The following KDM4C variants were observed in gnomAD, a reference collection of about 807,000 sequenced individuals.
The protein encoded by KDM4C is lysine-specific demethylase 4C.
In KDM4C, 81 loss-of-function variants were observed where a neutral mutation model predicts 129.3. That is an observed-to-expected ratio of 0.63 (90% confidence interval 0.52 to 0.75). The LOEUF (loss-of-function observed/expected upper bound fraction) is 0.75, where lower values mean the gene tolerates loss of function less well. KDM4C is among the 30% of genes least tolerant of loss of function. KDM4C has a pLI of 0.00. For synonymous variants in KDM4C, 573 were observed against 456.1 expected (o/e 1.26, Z -3.26); for missense variants, 1,457 against 1,304.0 (o/e 1.12, Z -1.81).
At chr9:6,768,446 A>C (rs994024843) in intron 1 of KDM4C, among the ~76,000 whole-genome samples, 2 of 151,634 alleles carry the variant, frequency 1.3e-5, no homozygotes, top group Admixed American at 6.6e-5. Flanking sequence ...GGTTGTCTTC[A>C]TGCTCCCTCA....
chr9:6,735,869 A>G (rs1170309339), intron 1 of KDM4C, among the ~76,000 whole-genome samples: 1 of 152,186 alleles, frequency 6.6e-6, no homozygotes, highest in Non-Finnish European at 1.5e-5. Context: ...GGCTCAGAAG[A>G]AGACAGGAAA....
rs1489788915 is a variant in KDM4C at position 6,995,735 on chromosome 9, AG to A, written c.1786+5212del. Among the ~76,000 whole-genome samples the A allele has an allele frequency of 6.6e-5, 10 of 151,902 alleles. No individual in the cohort carries two copies. In the East Asian group the frequency reaches 1.9e-3, roughly 29 times the overall value. The stretch of plus-strand genomic sequence containing the variant: ...CGCCCAGGCTGGAGTGCAGTGGCGC[AG>A]TCTCAGCTCACTGCAAGCTCTGCCT... On this transcript the variant is annotated intron_variant, in intron 12 of 21. Coordinates refer to ENST00000381309, the MANE Select transcript of KDM4C (RefSeq NM_015061.6).
intron 8 of KDM4C, among the ~76,000 whole-genome samples, chr9:6,948,810 T>C (rs572781300): frequency 2.0e-3 from 301 of 151,726 alleles, no homozygotes; most frequent in African/African-American, 6.7e-3. Flanking sequence ...GGTAAGGTCA[T>C]AGATCAACAG....
intron 8 of KDM4C, among the ~76,000 whole-genome samples, chr9:6,928,510 G>C (rs908370494): frequency 1.3e-5 from 2 of 151,960 alleles, no homozygotes; most frequent in East Asian, 3.9e-4. Flanking sequence ...CTACTTCCTC[G>C]TGGTTTCACC....
chr9:6,908,309 C>G (rs1818683214), intron 8 of KDM4C, among the ~76,000 whole-genome samples: 1 of 152,170 alleles, frequency 6.6e-6, no homozygotes, highest in South Asian at 2.1e-4. Flanking sequence ...CTATTGCAAA[C>G]TGTTAATGTG....
intron 19 of KDM4C, among the ~76,000 whole-genome samples, chr9:7,136,460 G>A (rs890769956): frequency 1.1e-4 from 16 of 152,180 alleles, no homozygotes; most frequent in South Asian, 2.1e-4. Flanking sequence ...AACATTTGAG[G>A]TTACAGTTTC....
intron 4 of KDM4C, among the ~76,000 whole-genome samples, chr9:6,848,537 C>G (rs1189078966): frequency 1.3e-5 from 2 of 152,022 alleles, no homozygotes; most frequent in Non-Finnish European, 1.5e-5. Flanking sequence ...GGTGCGGTGG[C>G]CTACGCCTGT....
chr9:6,979,165 G>C (rs886691476), intron 8 of KDM4C, among the ~76,000 whole-genome samples: 3 of 152,024 alleles, frequency 2.0e-5, no homozygotes, highest in Non-Finnish European at 4.4e-5. Context: ...TCCCCCTTTT[G>C]TCAAAAGATT....
intron 19 of KDM4C, among the ~76,000 whole-genome samples, chr9:7,163,987 T>C (rs749011229): frequency 2.0e-5 from 3 of 152,208 alleles, no homozygotes; most frequent in Non-Finnish European, 2.9e-5. Flanking sequence ...GCCACTCCTT[T>C]ATAAGGCACA....
chr9:7,130,455 C>G (rs937459689), intron 19 of KDM4C, among the ~76,000 whole-genome samples: 31 of 152,250 alleles, frequency 2.0e-4, no homozygotes, highest in African/African-American at 7.5e-4. Flanking sequence ...CTCTGTGAAC[C>G]AGAACAAATA....
At chr9:6,871,098 A>C (rs1442085930) in intron 5 of KDM4C, among the ~76,000 whole-genome samples, 1 of 152,214 alleles carries the variant, frequency 6.6e-6, no homozygotes, top group African/African-American at 2.4e-5. Context: ...AAAAAACAAT[A>C]GGGAATTTTG....
intron 1 of KDM4C, among the ~76,000 whole-genome samples, chr9:6,776,708 G>A (rs1415067182): frequency 1.3e-5 from 2 of 150,166 alleles, no homozygotes; most frequent in East Asian, 2.0e-4. Flanking sequence ...GGGTTCAAGC[G>A]ATTCTTGTCT....
chr9:7,050,649 A>T (rs953604791), intron 17 of KDM4C, among the ~76,000 whole-genome samples: 4 of 152,164 alleles, frequency 2.6e-5, no homozygotes, highest in Non-Finnish European at 5.9e-5. Context: ...CACCTTTTAA[A>T]ATCACCTTTG....
Position 7,158,352 on chromosome 9 carries a change from A to G in KDM4C, c.2782-6886A>G, listed in dbSNP as rs555532388. 2.2e-4 allele frequency among the ~76,000 whole-genome samples: 33 copies of G among 149,752 alleles called. 1 individual carries two copies. Among genetic ancestry groups the G allele is most frequent in the South Asian group, 2.1e-4 (1 of 4,714 alleles). On this transcript the variant is annotated intron_variant, in intron 19 of 21. Transcript: ENST00000381309. Reference sequence around the variant, plus strand: ...TTTTTTAAGGGTTTTTTGTGTCTCTATCTCTTTCAGTTCTGCTCTGGTCTT... The same window carrying G: ...TTTTTTAAGGGTTTTTTGTGTCTCTGTCTCTTTCAGTTCTGCTCTGGTCTT...
chr9:6,740,163 TA>T (rs1470882403), intron 1 of KDM4C, among the ~76,000 whole-genome samples: 1 of 152,064 alleles, frequency 6.6e-6, no homozygotes, highest in African/African-American at 2.4e-5. Flanking sequence ...GTGCTGGAAT[TA>T]CAGGTGTGCG....
chr9:6,746,207 C>G (rs942726875), intron 1 of KDM4C, among the ~76,000 whole-genome samples: 2 of 148,812 alleles, frequency 1.3e-5, no homozygotes, highest in Non-Finnish European at 3.0e-5. Context: ...TCCCAGAGTG[C>G]TGGGATTACA....
At chr9:7,026,976 T>A (rs1160854369) in intron 15 of KDM4C, among the ~76,000 whole-genome samples, 1 of 152,140 alleles carries the variant, frequency 6.6e-6, no homozygotes, top group African/African-American at 2.4e-5. Context: ...TTATCTGATA[T>A]AATTTTGAAT....
chr9:6,833,109 A>G (rs916669341), intron 4 of KDM4C, among the ~76,000 whole-genome samples: 1 of 151,976 alleles, frequency 6.6e-6, no homozygotes, highest in African/African-American at 2.4e-5. Flanking sequence ...AGCATGGGAT[A>G]TGGCTGTTTT....
At chr9:6,944,025 A>T (rs1483648978) in intron 8 of KDM4C, among the ~76,000 whole-genome samples, 1 of 152,168 alleles carries the variant, frequency 6.6e-6, no homozygotes, top group East Asian at 1.9e-4. Flanking sequence ...TAAAAATGTC[A>T]TAATGTATTC....
Sources: allele counts gnomAD v4.1 joint callset (sites outside exome capture counted in the v4.1 genomes callset), GRCh38; gene constraint gnomAD v4.1.1; transcripts MANE v1.5; gene names NCBI Gene and HGNC (gene_info 2026-07-23, HGNC 2026-07-21).